The following TARBP1 variants were observed in gnomAD, a reference collection of about 807,000 sequenced individuals.
TARBP1 encodes tRNA (guanosine(18)-2'-O)-methyltransferase TARBP1.
Under a neutral mutation model 178.6 loss-of-function variants are expected in TARBP1, and 144 were observed. The observed-to-expected ratio is 0.81, with a 90% CI of 0.70 to 0.93. The LOEUF (loss-of-function observed/expected upper bound fraction) is 0.93, where lower values mean the gene tolerates loss of function less well. Ranked by LOEUF, TARBP1 falls within the 40% of genes least tolerant of loss-of-function variation. The probability of loss-of-function intolerance (pLI) is 0.00; values close to 1 mark genes in which losing one functional copy is unlikely to be tolerated. For missense variants in TARBP1, 2,067 were observed against 2,011.7 expected (o/e 1.03, Z -0.53); for synonymous variants, 787 against 781.0 (o/e 1.01, Z -0.13).
chr1:234,411,239 G>A (rs138928273), intron 22 of TARBP1, among the ~76,000 whole-genome samples: 1 of 152,338 alleles, frequency 6.6e-6, no homozygotes, highest in East Asian at 1.9e-4. Flanking sequence ...TACATAGCAT[G>A]TACATTGTAC....
chr1:234,472,045 C>T (rs2103305934), intron 2 of TARBP1, among the ~76,000 whole-genome samples: 1 of 152,198 alleles, frequency 6.6e-6, no homozygotes, highest in African/African-American at 2.4e-5. Context: ...GTAAAAAACT[C>T]AAAAGTCCTG....
chr1:234,395,034 G>A (rs1242293729), intron 26 of TARBP1, among the ~76,000 whole-genome samples: 1 of 151,804 alleles, frequency 6.6e-6, no homozygotes, highest in Non-Finnish European at 1.5e-5. Context: ...GGCCGGCCTG[G>A]CCAACATAGC....
chr1:234,436,065 C>A (rs1664999430), intron 13 of TARBP1, among the ~76,000 whole-genome samples: 1 of 151,708 alleles, frequency 6.6e-6, no homozygotes, highest in Non-Finnish European at 1.5e-5. Flanking sequence ...TTCAAAACAA[C>A]TTAAAACTAT....
intron 5 of TARBP1, among the ~76,000 whole-genome samples, chr1:234,465,259 G>C (rs1340202115): frequency 6.6e-6 from 1 of 152,098 alleles, no homozygotes; most frequent in African/African-American, 2.4e-5. Context: ...AGAATTCTTT[G>C]GATTATTCTC....
At chr1:234,469,605 G>A (rs1668842864) in intron 3 of TARBP1, among the ~76,000 whole-genome samples, 1 of 152,242 alleles carries the variant, frequency 6.6e-6, no homozygotes. Context: ...CTATTAAACT[G>A]TAATTATCTA....
At chr1:234,401,391 T>C in intron 24 of TARBP1, 129 bp from the exon 25 acceptor site, 1 of 641,472 alleles carries the variant, frequency 1.6e-6, no homozygotes, top group Non-Finnish European at 2.8e-6. Flanking sequence ...AACTTTATCC[T>C]AAGATTTATA....
At chr1:234,476,530 G>GA (rs1669584946) in intron 1 of TARBP1, among the ~76,000 whole-genome samples, 1 of 152,330 alleles carries the variant, frequency 6.6e-6, no homozygotes, top group South Asian at 2.1e-4. Context: ...TTTTGTAGAG[G>GA]AAAGATTTAG....
At chr1:234,413,663 G>A (rs1306739812) in intron 22 of TARBP1, among the ~76,000 whole-genome samples, 2 of 152,124 alleles carry the variant, frequency 1.3e-5, no homozygotes, top group South Asian at 2.1e-4. Context: ...ATCCTGAGAC[G>A]ACGTAAGACA....
rs149560870 is a variant in TARBP1 at position 234,422,410 on chromosome 1, G to C, written c.3445-1598C>G. Among the ~76,000 whole-genome samples, 262 of 152,246 alleles carry C rather than the reference G, an allele frequency of 1.7e-3. 1 individual carries two copies. Among genetic ancestry groups the C allele is most frequent in the Middle Eastern group, 6.8e-3 (2 of 294 alleles). ...TGGAGTACTATTTGGCCATAAAAAA[G>C]AATGAGATCCTGTCATCTGCAACAA... On this transcript the variant is annotated intron_variant, in intron 20 of 29. Transcript: ENST00000040877.
intron 20 of TARBP1, among the ~76,000 whole-genome samples, chr1:234,422,343 C>A (rs930516485): frequency 1.3e-5 from 2 of 152,154 alleles, no homozygotes; most frequent in Admixed American, 1.3e-4. Flanking sequence ...ATAAAAATCA[C>A]CAGCCACAAC....
chr1:234,399,235 C>G (rs1660431303), intron 25 of TARBP1, among the ~76,000 whole-genome samples: 2 of 152,214 alleles, frequency 1.3e-5, no homozygotes, highest in Non-Finnish European at 2.9e-5. Context: ...ACATAGGAAG[C>G]AGAGGTCCAA....
rs182921279 is a variant in TARBP1, at chr1:234,405,768, G to A, written c.3989+135C>T. The A allele has an allele frequency of 9.4e-4, 761 of 806,150 alleles. 17 individuals carry two copies. The Admixed American group carries it at 0.021, about 22-fold the overall frequency. The allele number at this position is 806,150 out of a possible 1,614,324, so 49.9% of individuals were successfully genotyped here. On this transcript the variant is annotated intron_variant, in intron 24 of 29. Transcript: ENST00000040877. ...AAGTGAGCTGCTTAGGCCTGGCCCA[G>A]TCCAAGCCCTCGATGCTCCAGGACG...
At chr1:234,465,553 A>G in intron 5 of TARBP1, 103 bp downstream of exon 5, 1 of 1,028,184 alleles carries the variant, frequency 9.7e-7, no homozygotes, top group Non-Finnish European at 1.4e-6. Flanking sequence ...TCAACTGTCT[A>G]TTCAGCAACA....
chr1:234,421,116 T>C (rs915556074), intron 20 of TARBP1, among the ~76,000 whole-genome samples: 41 of 151,822 alleles, frequency 2.7e-4, no homozygotes, highest in African/African-American at 9.2e-4. Context: ...TGAGATGGAG[T>C]CTTACTCTGT....
Position 234,478,680 on chromosome 1 carries a change from C to T in TARBP1, c.424G>A (p.Glu142Lys), listed in dbSNP as rs1669828191. 8.1e-7 allele frequency: 1 copy of T among 1,233,750 alleles called. No homozygotes were observed. Among genetic ancestry groups the T allele is most frequent in the Non-Finnish European group, 1.0e-6 (1 of 986,510 alleles). The allele number at this position is 1,233,750 out of a possible 1,614,324, so 76.4% of individuals were successfully genotyped here. Residue 142 changes from glutamate to lysine, a missense_variant, in exon 1 of 30, where the codon GAA becomes AAA. Transcript: ENST00000040877. ...CATGGCCCGACGGCTGCTAGCACTT[C>T]CACGGCAGCCTCGGCGCCAGGCGCG... is the stretch of plus-strand genomic sequence containing the variant. ...WRAPGAEAAV[E>K]VLAAVGPCLR...
At chr1:234,416,199 A>G (rs965730384) in intron 22 of TARBP1, among the ~76,000 whole-genome samples, 2 of 152,232 alleles carry the variant, frequency 1.3e-5, no homozygotes, top group Admixed American at 1.3e-4. Context: ...CTACATTAAT[A>G]AAGCTATGGA....
At position 234,393,471 on chromosome 1, in the gene TARBP1, C is replaced by T; in HGVS notation, c.4451G>A (p.Cys1484Tyr). ...GAGCACTGAAGCCCCAAATACCTCA[C>T]AGGTCCTGCACAGTCCTGCACAGAA... ...PTNLGGLCRT[C>Y]EVFGASVLVV... Residue 1484 changes from cysteine to tyrosine, a missense_variant, in exon 28 of 30, where the codon TGT (cysteine) becomes TAT (tyrosine). Physicochemically the swap from Cys to Tyr is radical, Grantham distance 194 (BLOSUM62 -2). Transcript: ENST00000040877. The T allele has an allele frequency of 6.2e-7, 1 of 1,604,704 alleles. No individual in the cohort carries two copies. The highest frequency in any genetic ancestry group is 8.5e-7 in the Non-Finnish European group (1 of 1,175,560).
intron 22 of TARBP1, among the ~76,000 whole-genome samples, chr1:234,415,664 C>G: frequency 6.6e-6 from 1 of 152,188 alleles, no homozygotes; most frequent in Non-Finnish European, 1.5e-5. Flanking sequence ...CTTAGAGAAG[C>G]AGAGCTCACA....
chr1:234,429,075 C>A, intron 17 of TARBP1, 61 bp downstream of exon 17: 1 of 1,417,238 alleles, frequency 7.1e-7, no homozygotes, highest in East Asian at 2.4e-5. Context: ...CTCTCATGTT[C>A]CTCATGTGCT....
Sources: gnomAD v4.1 joint callset for allele counts (sites outside exome capture counted in the v4.1 genomes callset) on GRCh38, gnomAD v4.1.1 for gene constraint, MANE v1.5 for transcripts, NCBI Gene and HGNC (gene_info 2026-07-23, HGNC 2026-07-21) for gene names.